The following FGF12 variants were observed in gnomAD, a reference collection of about 807,000 sequenced individuals.
The protein encoded by FGF12 is fibroblast growth factor 12.
FGF12 carries 14 observed loss-of-function variants against 23.6 expected under a neutral mutation model. The observed-to-expected ratio is 0.59, with a 90% CI of 0.39 to 0.93. The LOEUF (loss-of-function observed/expected upper bound fraction) is 0.93. Ranked by LOEUF, FGF12 falls within the 40% of genes least tolerant of loss-of-function variation. FGF12 has a pLI of 0.00. For missense variants in FGF12, 175 were observed against 217.8 expected (o/e 0.80, Z 1.24); for synonymous variants, 62 against 77.3 (o/e 0.80, Z 1.04).
At chr3:192,492,867 T>A (rs983530366) in intron 2 of FGF12, among the ~76,000 whole-genome samples, 1 of 151,838 alleles carries the variant, frequency 6.6e-6, no homozygotes, top group Non-Finnish European at 1.5e-5. Flanking sequence ...TTCCAATTTA[T>A]ACACAGGATG....
At chr3:192,591,479 C>T (rs2108622578) in intron 2 of FGF12, among the ~76,000 whole-genome samples, 1 of 151,796 alleles carries the variant, frequency 6.6e-6, no homozygotes, top group South Asian at 2.1e-4. Flanking sequence ...AGTGGTGGCA[C>T]TGAGGAAAAA....
intron 3 of FGF12, among the ~76,000 whole-genome samples, chr3:192,352,927 A>G (rs1718290606): frequency 6.6e-6 from 1 of 152,184 alleles, no homozygotes; most frequent in African/African-American, 2.4e-5. Context: ...GGGATTTGCA[A>G]ACTGATGATT....
At chr3:192,193,380 A>C (rs1716902301) in intron 4 of FGF12, among the ~76,000 whole-genome samples, 1 of 152,176 alleles carries the variant, frequency 6.6e-6, no homozygotes, top group Non-Finnish European at 1.5e-5. Context: ...CTTGGACTCC[A>C]ACACTGGACT....
At chr3:192,627,727 C>T (rs142405146) in intron 2 of FGF12, among the ~76,000 whole-genome samples, 14 of 152,106 alleles carry the variant, frequency 9.2e-5, no homozygotes, top group African/African-American at 3.4e-4. Flanking sequence ...AGAGAGAACC[C>T]GTGTATACTT....
intron 2 of FGF12, among the ~76,000 whole-genome samples, chr3:192,583,410 T>A (rs1029917465): frequency 6.6e-6 from 1 of 152,202 alleles, no homozygotes; most frequent in African/African-American, 2.4e-5. Flanking sequence ...TTACCGGTCC[T>A]AAAAAAATAC....
intron 2 of FGF12, among the ~76,000 whole-genome samples, chr3:192,413,389 C>A (rs1721255920): frequency 6.6e-6 from 1 of 152,138 alleles, no homozygotes; most frequent in African/African-American, 2.4e-5. Flanking sequence ...TGCTGTTGGA[C>A]ACGTTATTCA....
chr3:192,237,446 T>A (rs1326344074), intron 4 of FGF12, among the ~76,000 whole-genome samples: 1 of 152,228 alleles, frequency 6.6e-6, no homozygotes, highest in Non-Finnish European at 1.5e-5. Flanking sequence ...TTGCTTGTTC[T>A]CTTTCCATCT....
intron 2 of FGF12, among the ~76,000 whole-genome samples, chr3:192,679,216 C>G (rs1717433560): frequency 6.6e-6 from 1 of 152,068 alleles, no homozygotes; most frequent in Non-Finnish European, 1.5e-5. Flanking sequence ...GTCTGGGATG[C>G]AAGAATGTAC....
intron 4 of FGF12, among the ~76,000 whole-genome samples, chr3:192,204,837 G>A (rs1717561957): frequency 6.6e-6 from 1 of 151,968 alleles, no homozygotes. Flanking sequence ...GGTGAGCCAA[G>A]ATCGCACCAA....
intron 2 of FGF12, among the ~76,000 whole-genome samples, chr3:192,711,342 G>A (rs1054067833): frequency 8.6e-5 from 13 of 151,422 alleles, no homozygotes; most frequent in African/African-American, 2.9e-4. Flanking sequence ...GGGCATCTCC[G>A]CCCAGCCGCC....
chr3:192,411,538 A>T (rs1260632475), intron 2 of FGF12, among the ~76,000 whole-genome samples: 1 of 152,238 alleles, frequency 6.6e-6, no homozygotes, highest in Non-Finnish European at 1.5e-5. Flanking sequence ...GCAAGGCTGA[A>T]TGCATTTCCA....
intron 2 of FGF12, among the ~76,000 whole-genome samples, chr3:192,435,804 G>A (rs1017702824): frequency 1.3e-5 from 2 of 152,208 alleles, no homozygotes; most frequent in South Asian, 2.1e-4. Context: ...TGCTTCTGTC[G>A]TTTTCCCAGT....
chr3:192,613,019 G>T (rs1257949511), intron 2 of FGF12, among the ~76,000 whole-genome samples: 1 of 151,378 alleles, frequency 6.6e-6, no homozygotes, highest in Non-Finnish European at 1.5e-5. Flanking sequence ...ACACGCTGGT[G>T]ACCTTTCCCT....
At chr3:192,260,252 G>T (rs150105380) in intron 4 of FGF12, among the ~76,000 whole-genome samples, 1 of 152,082 alleles carries the variant, frequency 6.6e-6, no homozygotes, top group Non-Finnish European at 1.5e-5. Context: ...TATCACAGCC[G>T]TATTCATCTA....
chr3:192,181,636 T>G (rs115121983), intron 4 of FGF12, among the ~76,000 whole-genome samples: 3,270 of 151,442 alleles, frequency 0.022, 138 homozygotes, highest in African/African-American at 0.075. Flanking sequence ...TTTGTTTTTT[T>G]TTTTTTTTTT....
intron 2 of FGF12, among the ~76,000 whole-genome samples, chr3:192,609,525 A>G (rs1454559988): frequency 6.6e-6 from 1 of 152,064 alleles, no homozygotes; most frequent in Non-Finnish European, 1.5e-5. Context: ...TGTTCTTAAG[A>G]TGCCAGCAAG....
At chr3:192,354,009 A>G (rs1047372633) in intron 3 of FGF12, among the ~76,000 whole-genome samples, 4 of 152,218 alleles carry the variant, frequency 2.6e-5, no homozygotes, top group Non-Finnish European at 5.9e-5. Context: ...TTTAGCAATA[A>G]AAGCTTCTGC....
Position 192,616,526 on chromosome 3 carries a change from C to T in FGF12, c.13+110655G>A, listed in dbSNP as rs576174378. ...ACACAGAGCCTTTGAGGCATAGACT[C>T]TCAGAATTTTGTTGTTTGAAGAGTT... On this transcript the variant is annotated intron_variant, in intron 2 of 5. Coordinates refer to ENST00000445105, the MANE Select transcript of FGF12 (RefSeq NM_004113.6). 2.2e-4 allele frequency among the ~76,000 whole-genome samples: 33 copies of T among 151,988 alleles called. No individual in the cohort carries two copies. In the East Asian group the frequency reaches 6.2e-3, roughly 29 times the overall value.
At chr3:192,719,657 GTAAA>G (rs10537362) in intron 2 of FGF12, among the ~76,000 whole-genome samples, 8,958 of 151,910 alleles carry the variant, frequency 0.059, 475 homozygotes, top group East Asian at 0.19. Flanking sequence ...GATAAAATGT[GTAAA>G]TAGTCTAATT....
Sources: allele counts gnomAD v4.1 joint callset (sites outside exome capture counted in the v4.1 genomes callset), GRCh38; gene constraint gnomAD v4.1.1; transcripts MANE v1.5; gene names NCBI Gene and HGNC (gene_info 2026-07-23, HGNC 2026-07-21).